CPLANE1: variants seen among roughly 807,000 people sequenced by gnomAD.
CPLANE1 encodes the protein ciliogenesis and planar polarity effector 1.
Under a neutral mutation model 362.5 loss-of-function variants are expected in CPLANE1, and 263 were observed. The observed-to-expected ratio is 0.73, with a 90% CI of 0.66 to 0.80. CPLANE1 has a LOEUF of 0.80. CPLANE1 is among the 30% of genes least tolerant of loss of function. The probability of loss-of-function intolerance (pLI) is 0.00; values close to 1 mark genes in which losing one functional copy is unlikely to be tolerated. For synonymous variants in CPLANE1, 1,212 were observed against 1,302.6 expected, an observed-to-expected ratio of 0.93 and a Z score of 1.50; for missense variants, 3,461 against 3,793.4, an observed-to-expected ratio of 0.91 and a Z score of 2.30.
At chr5:37,079,647 CA>C in the CPLANE1 span, among the ~76,000 whole-genome samples, 1 of 152,044 alleles carries the variant, frequency 6.6e-6, no homozygotes, top group African/African-American at 2.4e-5. Context: ...TTCATGAAAA[CA>C]GAAACATTAG....
chr5:37,238,183 G>T (rs967344355), intron 8 of CPLANE1, among the ~76,000 whole-genome samples: 16 of 151,932 alleles, frequency 1.1e-4, no homozygotes, highest in South Asian at 8.3e-4. Context: ...ATCTTTTTTT[G>T]TGTGTGTGTG....
Position 37,106,327 on chromosome 5 carries a change from A to G in CPLANE1, c.*1275T>C, listed in dbSNP as rs1262857163. On this transcript the variant is annotated 3_prime_UTR_variant, in exon 53 of 53. Coordinates refer to ENST00000651892, the MANE Select transcript of CPLANE1 (RefSeq NM_001384732.1). Reference sequence around the variant, plus strand: ...CCAACAATGGATAAATAGCTAGAAGAAAAGGTTTGAATGTTTCCAACACAA... The same window carrying G: ...CCAACAATGGATAAATAGCTAGAAGGAAAGGTTTGAATGTTTCCAACACAA... The G allele has an allele frequency of 6.5e-6, 1 of 154,556 alleles. No individual in the cohort carries two copies. Among genetic ancestry groups the G allele is most frequent in the Admixed American group, 6.5e-5 (1 of 15,282 alleles). 9.6% of individuals were successfully genotyped at this position (154,556 alleles called of 1,614,324 possible). A position where few individuals can be genotyped will look rare whatever the true frequency, so the allele number is the denominator to read the frequency against.
At chr5:37,087,905 T>G in the CPLANE1 span, among the ~76,000 whole-genome samples, 2 of 152,236 alleles carry the variant, frequency 1.3e-5, no homozygotes, top group East Asian at 3.8e-4. Flanking sequence ...CTAAAACAAC[T>G]TTGTAGCCTA....
rs6864648 is a variant in CPLANE1 at position 37,245,424 on chromosome 5, C to G, written c.337+55G>C. The G allele has an allele frequency of 2.4e-3, 3,184 of 1,341,526 alleles. 70 individuals carry two copies. In the African/African-American group the frequency reaches 0.043, roughly 18 times the overall value. The allele number at this position is 1,341,526 out of a possible 1,614,324, so 83.1% of individuals were successfully genotyped here. Reference sequence around the variant, plus strand: ...GACAGTAACAGAAAAATGTTTCATCCTCTTTTCCTATTTTTCCTAGTTAAA... The same window carrying G: ...GACAGTAACAGAAAAATGTTTCATCGTCTTTTCCTATTTTTCCTAGTTAAA... On this transcript the variant is annotated intron_variant, in intron 4 of 52. Transcript: ENST00000651892.
At chr5:37,213,538 A>G (rs917649064) in intron 16 of CPLANE1, 21 bp downstream of exon 16, 22 of 1,483,384 alleles carry the variant, frequency 1.5e-5, no homozygotes, top group Non-Finnish European at 9.9e-6. Flanking sequence ...AAGTTTAAAA[A>G]GGATTTGTTT....
At chr5:37,085,549 C>G in the CPLANE1 span, 1 of 823,596 alleles carries the variant, frequency 1.2e-6, no homozygotes. Flanking sequence ...GATTTGGAGA[C>G]TGGCAAGATT....
At position 37,221,217 on chromosome 5, in the gene CPLANE1, G is replaced by T; in HGVS notation, c.2746+107C>A. ...TCTGTAGTCCTAGCCACTTGAGGCG[G>T]CTGAGGTAGAAGGATTACTTGAGCT... On this transcript the variant is annotated intron_variant, in intron 15 of 52. Coordinates refer to ENST00000651892, the MANE Select transcript of CPLANE1 (RefSeq NM_001384732.1). 3.2e-6 allele frequency: 2 copies of T among 631,044 alleles called. 1 individual carries two copies. Among genetic ancestry groups the T allele is most frequent in the Middle Eastern group, 5.1e-4 (2 of 3,888 alleles). The allele number at this position is 631,044 out of a possible 1,614,324, so 39.1% of individuals were successfully genotyped here. A position where few individuals can be genotyped will look rare whatever the true frequency, so the allele number is the denominator to read the frequency against.
At chr5:37,167,291 A>T in intron 34 of CPLANE1, 78 bp from the exon 35 acceptor site, 1 of 1,135,988 alleles carries the variant, frequency 8.8e-7, no homozygotes, top group Non-Finnish European at 1.3e-6. Context: ...GACTGAGGAA[A>T]AATACATTTG....
At chr5:37,228,906 G>GA (rs1247563354) in intron 9 of CPLANE1, among the ~76,000 whole-genome samples, 4 of 151,990 alleles carry the variant, frequency 2.6e-5, no homozygotes, top group African/African-American at 9.7e-5. Context: ...AACAAGTAAG[G>GA]AAAAAATACT....
intron 46 of CPLANE1, among the ~76,000 whole-genome samples, chr5:37,136,771 A>AGGCTTT (rs1196876359): frequency 2.6e-5 from 4 of 152,348 alleles, no homozygotes; most frequent in Admixed American, 1.3e-4. Flanking sequence ...GCCAAGGCTT[A>AGGCTTT]GGGCTTACAC....
At chr5:37,215,652 T>A (rs534213323) in intron 15 of CPLANE1, among the ~76,000 whole-genome samples, 1 of 151,566 alleles carries the variant, frequency 6.6e-6, no homozygotes, top group Non-Finnish European at 1.5e-5. Context: ...ATTTTTTAAA[T>A]GGAGGTATCT....
intron 8 of CPLANE1, among the ~76,000 whole-genome samples, chr5:37,233,312 T>C (rs957408534): frequency 5.3e-5 from 8 of 152,136 alleles, no homozygotes; most frequent in Admixed American, 4.6e-4. Context: ...TGCTGTGGGC[T>C]GCTGTTGAGA....
Position 37,227,886 on chromosome 5 carries a change from C to T in CPLANE1, c.1122-69G>A, listed in dbSNP as rs543306041. The stretch of plus-strand genomic sequence containing the variant: ...TCTTACGGAAAACAATAATGTTTTT[C>T]AAAAAAGAAGAAAAAGTTACAGAAC... On this transcript the variant is annotated intron_variant, in intron 9 of 52. Transcript: ENST00000651892. 3 of 1,387,364 alleles carry T rather than the reference C, an allele frequency of 2.2e-6. No homozygotes were observed. In the South Asian group the frequency reaches 4.7e-5, roughly 22 times the overall value. 85.9% of individuals were successfully genotyped at this position (1,387,364 alleles called of 1,614,324 possible).
intron 37 of CPLANE1, among the ~76,000 whole-genome samples, chr5:37,162,987 G>A (rs1777249838): frequency 6.6e-6 from 1 of 152,148 alleles, no homozygotes; most frequent in Non-Finnish European, 1.5e-5. Context: ...GCCTAAAATG[G>A]GCTTTCTCAA....
chr5:37,113,850 G>A (rs1056334920), intron 51 of CPLANE1, among the ~76,000 whole-genome samples: 2 of 152,136 alleles, frequency 1.3e-5, no homozygotes, highest in Non-Finnish European at 2.9e-5. Flanking sequence ...GTCTCACTCT[G>A]TCGCCAGGCT....
Position 37,114,929 on chromosome 5 carries a change from G to A in CPLANE1, c.9400+31C>T, listed in dbSNP as rs771756418. The A allele has an allele frequency of 3.1e-6, 4 of 1,270,976 alleles. No homozygotes were observed. The South Asian group carries it at 5.1e-5, about 16-fold the overall frequency. 78.7% of individuals were successfully genotyped at this position (1,270,976 alleles called of 1,614,324 possible). A position where few individuals can be genotyped will look rare whatever the true frequency, so the allele number is the denominator to read the frequency against. ...AAAAAAAAAGAAAATTCAGTATTAA[G>A]TCTAAAAACTTTATCTTCTTTATCC... On this transcript the variant is annotated intron_variant, in intron 51 of 52. Coordinates refer to ENST00000651892, the MANE Select transcript of CPLANE1 (RefSeq NM_001384732.1).
chr5:37,196,142 C>A (rs1787353846), intron 20 of CPLANE1, 146 bp from the exon 21 acceptor site: 4 of 480,960 alleles, frequency 8.3e-6, no homozygotes, highest in African/African-American at 2.1e-5. Context: ...CAGAAACTTA[C>A]AAATTTAATT....
At chr5:37,171,191 T>C (rs559882144) in intron 32 of CPLANE1, among the ~76,000 whole-genome samples, 12 of 152,268 alleles carry the variant, frequency 7.9e-5, no homozygotes, top group Admixed American at 4.6e-4. Flanking sequence ...TCTGTATTCA[T>C]TAAGATGACC....
In CPLANE1 at chr5:37,209,755, C is replaced by A; in HGVS notation, c.2921-3330G>T. On this transcript the variant is annotated intron_variant, in intron 16 of 52. Transcript: ENST00000651892. This position sits in a 1 kb window ranked among gnomAD's most constrained non-coding sequence, Gnocchi z 4.6. The stretch of plus-strand genomic sequence containing the variant: ...CTGTACAAATCACTGGTTTCAGGAG[C>A]TGATAAAGAAAACCAAAAAGGTTTT... 1 of 1,223,284 alleles carries A rather than the reference C, an allele frequency of 8.2e-7. No individual in the cohort carries two copies. Among genetic ancestry groups the A allele is most frequent in the Non-Finnish European group, 1.2e-6 (1 of 826,486 alleles). The allele number at this position is 1,223,284 out of a possible 1,614,324, so 75.8% of individuals were successfully genotyped here.
Sources: allele counts gnomAD v4.1 joint callset (sites outside exome capture counted in the v4.1 genomes callset), GRCh38; gene constraint gnomAD v4.1.1; non-coding constraint Gnocchi (gnomAD v3.1); transcripts MANE v1.5; gene names NCBI Gene and HGNC (gene_info 2026-07-23, HGNC 2026-07-21).